The following ESRRG variants were observed in gnomAD, a reference collection of about 807,000 sequenced individuals.
The protein encoded by ESRRG is estrogen related receptor gamma, also known as estrogen-related receptor gamma.
ESRRG carries 13 observed loss-of-function variants against 44.0 expected under a neutral mutation model. The ratio of observed to expected loss-of-function variants is 0.30; its 90% confidence interval spans 0.19 to 0.47. ESRRG has a LOEUF of 0.47. ESRRG is among the 20% of genes least tolerant of loss of function. The probability of loss-of-function intolerance (pLI) is 1.00; values close to 1 mark genes in which losing one functional copy is unlikely to be tolerated. For synonymous variants in ESRRG, 215 were observed against 214.6 expected, an observed-to-expected ratio of 1.00 and a Z score of -0.02; for missense variants, 395 against 580.6, an observed-to-expected ratio of 0.68 and a Z score of 3.29.
intron 2 of ESRRG, among the ~76,000 whole-genome samples, chr1:216,920,801 G>C (rs1232926294): frequency 6.6e-6 from 1 of 152,188 alleles, no homozygotes; most frequent in Non-Finnish European, 1.5e-5. Flanking sequence ...GGAAGAAGTT[G>C]AGGGAAGGAG....
chr1:216,937,370 A>G (rs567874574), intron 2 of ESRRG, among the ~76,000 whole-genome samples: 1 of 152,238 alleles, frequency 6.6e-6, no homozygotes, highest in African/African-American at 2.4e-5. Flanking sequence ...CCCAGACTAC[A>G]TAAGATGGGT....
intron 2 of ESRRG, among the ~76,000 whole-genome samples, chr1:216,753,038 G>C (rs1224721277): frequency 2.0e-5 from 3 of 151,918 alleles, no homozygotes; most frequent in African/African-American, 4.8e-5. Flanking sequence ...GTTTATACCA[G>C]GATGATGAGG....
chr1:216,862,243 T>C (rs928417394), intron 2 of ESRRG: 1 of 151,730 alleles, frequency 6.6e-6, no homozygotes, highest in Non-Finnish European at 1.5e-5. Context: ...TTTTTTTTTT[T>C]AGACAGAATC....
At chr1:217,072,547 G>C (rs2090695920) in intron 1 of ESRRG, among the ~76,000 whole-genome samples, 1 of 152,132 alleles carries the variant, frequency 6.6e-6, no homozygotes, top group Admixed American at 6.5e-5. Flanking sequence ...TTTAACCCCA[G>C]CTTTACAACA....
intron 3 of ESRRG, among the ~76,000 whole-genome samples, chr1:216,593,055 G>A (rs2057932565): frequency 1.3e-5 from 2 of 152,226 alleles, no homozygotes; most frequent in Middle Eastern, 3.4e-3. Flanking sequence ...ACATACAGGG[G>A]ACTGTTTGCA....
At chr1:216,682,497 T>C (rs1407264022) in intron 1 of ESRRG, among the ~76,000 whole-genome samples, 3 of 152,110 alleles carry the variant, frequency 2.0e-5, no homozygotes, top group Non-Finnish European at 4.4e-5. Context: ...AATACAGAGA[T>C]AAGAAGAGTC....
At chr1:216,799,007 C>CT (rs1267836949) in intron 2 of ESRRG, among the ~76,000 whole-genome samples, 1 of 152,082 alleles carries the variant, frequency 6.6e-6, no homozygotes, top group Admixed American at 6.6e-5. Flanking sequence ...AATGAAGAGG[C>CT]TTGGCTATAC....
chr1:216,877,058 CAA>C (rs2096366533), intron 2 of ESRRG, among the ~76,000 whole-genome samples: 1 of 151,134 alleles, frequency 6.6e-6, no homozygotes, highest in African/African-American at 2.4e-5. Flanking sequence ...AACATTACCA[CAA>C]AACAATATTT....
intron 3 of ESRRG, among the ~76,000 whole-genome samples, chr1:216,592,038 T>C (rs11117629): frequency 0.15 from 22,374 of 152,232 alleles, 2,175 homozygotes; most frequent in Non-Finnish European, 0.21. Context: ...CCATCTGATA[T>C]AATGCGATGA....
intron 1 of ESRRG, among the ~76,000 whole-genome samples, chr1:216,968,162 TA>T (rs1464259661): frequency 6.6e-6 from 1 of 152,212 alleles, no homozygotes; most frequent in African/African-American, 2.4e-5. Flanking sequence ...ATGTCTTTTA[TA>T]AATGTTTTCT....
chr1:216,734,314 C>T (rs916034277), intron 2 of ESRRG, among the ~76,000 whole-genome samples: 2 of 152,162 alleles, frequency 1.3e-5, no homozygotes, highest in African/African-American at 2.4e-5. Context: ...TTTGTCTCCT[C>T]CAAATCTCAT....
chr1:216,516,891 A>G (rs1161239159), intron 6 of ESRRG, among the ~76,000 whole-genome samples: 1 of 152,068 alleles, frequency 6.6e-6, no homozygotes, highest in South Asian at 2.1e-4. Flanking sequence ...TATCAAAGAA[A>G]ATGACTTTCT....
At chr1:217,088,125 C>T (rs921290490) in intron 1 of ESRRG, among the ~76,000 whole-genome samples, 11 of 151,392 alleles carry the variant, frequency 7.3e-5, no homozygotes, top group Admixed American at 3.9e-4. Flanking sequence ...AAGACATTTC[C>T]GACTCTTTTT....
chr1:217,122,664 C>CT (rs10716545), intron 1 of ESRRG, among the ~76,000 whole-genome samples: 13,637 of 87,360 alleles, frequency 0.16, 1,447 homozygotes, highest in African/African-American at 0.24. Flanking sequence ...GACACACACA[C>CT]TTTTTTTTTT....
intron 2 of ESRRG, among the ~76,000 whole-genome samples, chr1:216,890,435 G>A (rs982585991): frequency 1.3e-5 from 2 of 152,092 alleles, no homozygotes; most frequent in Non-Finnish European, 2.9e-5. Flanking sequence ...CAAGCTATGA[G>A]CTGCGGATGC....
intron 2 of ESRRG, among the ~76,000 whole-genome samples, chr1:216,847,137 G>A (rs2095763877): frequency 6.6e-6 from 1 of 152,000 alleles, no homozygotes; most frequent in South Asian, 2.1e-4. Flanking sequence ...ACAAAGGAGA[G>A]TTGACAGTAC....
At chr1:217,134,120 A>G (rs1056081693) in intron 1 of ESRRG, among the ~76,000 whole-genome samples, 3 of 152,112 alleles carry the variant, frequency 2.0e-5, no homozygotes, top group African/African-American at 7.2e-5. Context: ...TCTGAACCAG[A>G]CTGCTGCTGC....
intron 3 of ESRRG, among the ~76,000 whole-genome samples, chr1:216,629,155 A>G (rs2063685112): frequency 6.6e-6 from 1 of 152,182 alleles, no homozygotes; most frequent in Non-Finnish European, 1.5e-5. Context: ...GTTCACCTAG[A>G]ACTCTCCATC....
At chr1:216,507,695 A>G (rs1428611588) in intron 6 of ESRRG, among the ~76,000 whole-genome samples, 1 of 152,246 alleles carries the variant, frequency 6.6e-6, no homozygotes, top group African/African-American at 2.4e-5. Context: ...ATCTAGCACT[A>G]TACAGAAATC....
Sources: allele counts gnomAD v4.1 joint callset (sites outside exome capture counted in the v4.1 genomes callset), GRCh38; gene constraint gnomAD v4.1.1; transcripts MANE v1.5; gene names NCBI Gene and HGNC (gene_info 2026-07-23, HGNC 2026-07-21).